Variants in LARGE1 observed in about 807,000 individuals in gnomAD.
LARGE1 encodes the protein xylosyl- and glucuronyltransferase LARGE1.
In LARGE1, 43 loss-of-function variants were observed where a neutral mutation model predicts 87.6. That is an observed-to-expected ratio of 0.49 (90% CI 0.38 to 0.63). The LOEUF (loss-of-function observed/expected upper bound fraction) is 0.63. Among genes scored for constraint, LARGE1 ranks in the 30% least tolerant of loss-of-function variants. The pLI is 0.00. For synonymous variants in LARGE1, 434 were observed against 394.6 expected (o/e 1.10, Z -1.18); for missense variants, 802 against 1,000.2 (o/e 0.80, Z 2.67).
At chr22:33,114,956 A>G in the LARGE1 span, among the ~76,000 whole-genome samples, 2 of 152,040 alleles carry the variant, frequency 1.3e-5, no homozygotes, top group African/African-American at 4.8e-5. Context: ...AAATTTTCTT[A>G]TTGTATTTGG....
intron 6 of LARGE1, among the ~76,000 whole-genome samples, chr22:33,480,226 C>T (rs1030810632): frequency 2.6e-5 from 4 of 152,296 alleles, no homozygotes; most frequent in East Asian, 1.9e-4. Flanking sequence ...AGCAGGGCTG[C>T]GCCATCCCAG....
chr22:33,908,265 C>T (rs888406685), intron 1 of LARGE1, among the ~76,000 whole-genome samples: 5 of 152,134 alleles, frequency 3.3e-5, no homozygotes, highest in East Asian at 1.9e-4. Context: ...GAAAGGCTCC[C>T]GCTCTCTAGC....
At chr22:33,331,940 C>A (rs1268556669) in intron 10 of LARGE1, among the ~76,000 whole-genome samples, 1 of 152,094 alleles carries the variant, frequency 6.6e-6, no homozygotes, top group Non-Finnish European at 1.5e-5. Flanking sequence ...GTGTAAAATG[C>A]CCTTCCCGTG....
chr22:33,757,637 C>T (rs1046116759), intron 2 of LARGE1, among the ~76,000 whole-genome samples: 3 of 152,152 alleles, frequency 2.0e-5, no homozygotes, highest in African/African-American at 7.2e-5. Context: ...GCTCTGCTCT[C>T]AGGAGGTCCA....
the LARGE1 span, among the ~76,000 whole-genome samples, chr22:33,107,450 G>A: frequency 6.6e-6 from 1 of 152,176 alleles, no homozygotes; most frequent in Non-Finnish European, 1.5e-5. Flanking sequence ...AGCTACTTGC[G>A]GGGCTGAGGT....
chr22:33,388,534 C>T (rs558213261), intron 7 of LARGE1, among the ~76,000 whole-genome samples: 77 of 152,234 alleles, frequency 5.1e-4, no homozygotes, highest in African/African-American at 1.8e-3. Flanking sequence ...ACTTATTTTG[C>T]TTCACTACTT....
chr22:33,727,364 G>A (rs2083302498), intron 2 of LARGE1: 2 of 152,160 alleles, frequency 1.3e-5, no homozygotes, highest in African/African-American at 4.8e-5. Context: ...CATTAAAGGA[G>A]GTAGTAGGTA....
intron 11 of LARGE1, 83 bp from the exon 12 acceptor site, chr22:33,304,590 A>T: frequency 7.2e-7 from 1 of 1,389,312 alleles, no homozygotes; most frequent in Non-Finnish European, 9.6e-7. Flanking sequence ...CTCTGCCTCC[A>T]GTGACACTTG....
At chr22:33,361,725 A>AGAGTCCCTCCTCTTTG (rs2064393362) in intron 9 of LARGE1, among the ~76,000 whole-genome samples, 2 of 27,320 alleles carry the variant, frequency 7.3e-5, no homozygotes, top group Non-Finnish European at 1.3e-4. Flanking sequence ...CAACTGGCTC[A>AGAGTCCCTCCTCTTTG]GAGTCCCTCC....
chr22:33,553,354 TTAAAAAAAAAAAA>T (rs1359833030), intron 6 of LARGE1, among the ~76,000 whole-genome samples: 3 of 120,092 alleles, frequency 2.5e-5, no homozygotes, highest in Non-Finnish European at 3.9e-5. Context: ...AAAATAAAAA[TTAAAAAAAAAAAA>T]TAGCCAGACG....
At chr22:33,128,680 C>CAAAAAAAAAA in the LARGE1 span, among the ~76,000 whole-genome samples, 24 of 110,244 alleles carry the variant, frequency 2.2e-4, no homozygotes, top group East Asian at 1.3e-3. Flanking sequence ...GTCTCAAAAA[C>CAAAAAAAAAA]AAAAAAAAAA....
chr22:33,855,032 T>C (rs1490251122), intron 1 of LARGE1, among the ~76,000 whole-genome samples: 3 of 151,996 alleles, frequency 2.0e-5, no homozygotes, highest in Non-Finnish European at 4.4e-5. Flanking sequence ...CTGGAGAAGG[T>C]GGCATATAAA....
chr22:33,914,022 T>C (rs565786880), intron 1 of LARGE1, among the ~76,000 whole-genome samples: 1 of 152,344 alleles, frequency 6.6e-6, no homozygotes, highest in Non-Finnish European at 1.5e-5. Context: ...TCTCAAATTA[T>C]TTAGTTTTAA....
rs567146659 is a variant in LARGE1, at chr22:33,698,156, T to C, written c.107-47488A>G. ...GGTGCGATCTCTGCTCACTGCAACC[T>C]CTCTCTCCAAGGTTCAAGTGATTCT... On this transcript the variant is annotated intron_variant, in intron 2 of 14. Coordinates refer to ENST00000397394, the MANE Select transcript of LARGE1 (RefSeq NM_133642.5). Among the ~76,000 whole-genome samples the C allele has an allele frequency of 5.5e-4, 84 of 152,226 alleles. No individual in the cohort carries two copies. The East Asian group carries it at 0.015, about 27-fold the overall frequency.
At chr22:33,395,012 G>C (rs2065678129) in intron 7 of LARGE1, among the ~76,000 whole-genome samples, 1 of 151,986 alleles carries the variant, frequency 6.6e-6, no homozygotes, top group South Asian at 2.1e-4. Context: ...AGATCACGAG[G>C]TCAGGAGATT....
At chr22:33,580,488 T>C (rs1284628870) in intron 5 of LARGE1, among the ~76,000 whole-genome samples, 1 of 152,118 alleles carries the variant, frequency 6.6e-6, no homozygotes, top group African/African-American at 2.4e-5. Context: ...TGCTGGTTCA[T>C]TCTGAATCAA....
At position 33,315,775 on chromosome 22, in the gene LARGE1, G is replaced by A. The variant is rs142447768; in HGVS notation, c.1451+310C>T. ...CTCCCCAGTAGCTGGGATTACAGGC[G>A]CACACCACCATGCCCAGCTAATTTT... On this transcript the variant is annotated intron_variant, in intron 11 of 14. Transcript: ENST00000397394. Among the ~76,000 whole-genome samples the A allele has an allele frequency of 3.3e-4, 50 of 152,082 alleles. No individual in the cohort carries two copies. In the East Asian group the frequency reaches 6.2e-3, roughly 19 times the overall value.
intron 10 of LARGE1, among the ~76,000 whole-genome samples, chr22:33,324,258 A>AAAAT (rs1937029448): frequency 2.4e-5 from 1 of 40,894 alleles, no homozygotes; most frequent in Admixed American, 3.2e-4. Flanking sequence ...AAAAAAAAAA[A>AAAAT]GCCAAAAAAA....
At chr22:33,446,210 T>C (rs1165910727) in intron 6 of LARGE1, among the ~76,000 whole-genome samples, 2 of 152,110 alleles carry the variant, frequency 1.3e-5, no homozygotes, top group Non-Finnish European at 2.9e-5. Context: ...TCTGGGAGGA[T>C]GGTATGTCTG....
Sources: allele counts gnomAD v4.1 joint callset (sites outside exome capture counted in the v4.1 genomes callset), GRCh38; gene constraint gnomAD v4.1.1; transcripts MANE v1.5; gene names NCBI Gene and HGNC (gene_info 2026-07-23, HGNC 2026-07-21).